Variants in FSTL4 observed in about 807,000 individuals in gnomAD.
FSTL4 encodes follistatin like 4.
FSTL4 carries 28 observed loss-of-function variants against 78.2 expected under a neutral mutation model. The ratio of observed to expected loss-of-function variants is 0.36; its 90% CI spans 0.27 to 0.49. The LOEUF (loss-of-function observed/expected upper bound fraction) is 0.49, where lower values mean the gene tolerates loss of function less well. Ranked by LOEUF, FSTL4 falls within the 20% of genes least tolerant of loss-of-function variation. FSTL4 has a pLI of 0.98. For synonymous variants in FSTL4, 422 were observed against 440.5 expected, an observed-to-expected ratio of 0.96 and a Z score of 0.53; for missense variants, 922 against 1,084.9, an observed-to-expected ratio of 0.85 and a Z score of 2.11.
chr5:133,244,551 T>A (rs1224698248), intron 7 of FSTL4: 1 of 151,892 alleles, frequency 6.6e-6, no homozygotes, highest in Non-Finnish European at 1.5e-5. Context: ...CACTACTGAT[T>A]TCTCATCAAA....
At chr5:133,562,338 A>C in intron 3 of FSTL4, among the ~76,000 whole-genome samples, 1 of 152,210 alleles carries the variant, frequency 6.6e-6, no homozygotes, top group East Asian at 1.9e-4. Flanking sequence ...TTAATGGTAA[A>C]CAGAATGCAG....
At chr5:133,363,699 T>C (rs963230107) in intron 4 of FSTL4, among the ~76,000 whole-genome samples, 6 of 152,148 alleles carry the variant, frequency 3.9e-5, no homozygotes, top group African/African-American at 1.4e-4. Context: ...GGATGAAACC[T>C]GGGCTGAGGG....
At chr5:133,711,312 A>G in the FSTL4 span, among the ~76,000 whole-genome samples, 1 of 152,180 alleles carries the variant, frequency 6.6e-6, no homozygotes, top group African/African-American at 2.4e-5. Context: ...CTAGATGGAA[A>G]CCCAGCCCCC....
At chr5:133,251,239 CG>C (rs1166052902) in intron 6 of FSTL4, among the ~76,000 whole-genome samples, 1 of 152,142 alleles carries the variant, frequency 6.6e-6, no homozygotes, top group Non-Finnish European at 1.5e-5. Context: ...TAGCTCCCAC[CG>C]TACTCTGCGG....
At chr5:133,457,475 G>A (rs1757514520) in intron 3 of FSTL4, among the ~76,000 whole-genome samples, 1 of 152,252 alleles carries the variant, frequency 6.6e-6, no homozygotes, top group Non-Finnish European at 1.5e-5. Context: ...ATGTGAAACA[G>A]AATGTTTGAA....
At chr5:133,291,732 C>T (rs1753267531) in intron 6 of FSTL4, among the ~76,000 whole-genome samples, 1 of 152,120 alleles carries the variant, frequency 6.6e-6, no homozygotes, top group South Asian at 2.1e-4. Context: ...CAAGAGTGAC[C>T]TGTTGCAGGC....
intron 1 of FSTL4, among the ~76,000 whole-genome samples, chr5:133,605,187 G>A (rs561275946): frequency 6.6e-6 from 1 of 152,276 alleles, no homozygotes; most frequent in African/African-American, 2.4e-5. Context: ...AACTCATTAT[G>A]TAGTACTTAG....
intron 6 of FSTL4, among the ~76,000 whole-genome samples, chr5:133,269,398 G>A (rs1752718350): frequency 1.3e-5 from 2 of 152,152 alleles, no homozygotes; most frequent in African/African-American, 4.8e-5. Flanking sequence ...GTGAGACGGG[G>A]GATAAGAGAG....
At chr5:133,445,951 TC>T (rs1255118677) in intron 3 of FSTL4, among the ~76,000 whole-genome samples, 4 of 152,186 alleles carry the variant, frequency 2.6e-5, no homozygotes, top group African/African-American at 9.6e-5. Flanking sequence ...AAACCACGTG[TC>T]CCCTGGCAGT....
the FSTL4 span, among the ~76,000 whole-genome samples, chr5:133,830,436 A>G: frequency 6.6e-6 from 1 of 152,236 alleles, no homozygotes; most frequent in South Asian, 2.1e-4. Flanking sequence ...GGGGGCCACC[A>G]TTGCCAACAA....
intron 2 of FSTL4, among the ~76,000 whole-genome samples, chr5:133,603,130 G>C (rs1760906434): frequency 6.6e-6 from 1 of 152,170 alleles, no homozygotes; most frequent in South Asian, 2.1e-4. Flanking sequence ...CATTCCTTAA[G>C]AGTCAGCACA....
intron 3 of FSTL4, among the ~76,000 whole-genome samples, chr5:133,492,843 T>C (rs953889881): frequency 1.3e-5 from 2 of 152,060 alleles, no homozygotes; most frequent in Non-Finnish European, 2.9e-5. Context: ...TTTAACAATA[T>C]TTCTTAATAT....
At chr5:133,335,874 G>C (rs897615477) in intron 4 of FSTL4, among the ~76,000 whole-genome samples, 4 of 152,106 alleles carry the variant, frequency 2.6e-5, no homozygotes, top group Non-Finnish European at 5.9e-5. Flanking sequence ...CCCATGAGGG[G>C]TGCTTCTTAA....
At chr5:133,395,681 T>A (rs188615110) in intron 4 of FSTL4, among the ~76,000 whole-genome samples, 371 of 152,202 alleles carry the variant, frequency 2.4e-3, no homozygotes, top group African/African-American at 8.0e-3. Context: ...GATCCCATAA[T>A]CACTTGCTCT....
At chr5:133,480,447 T>C (rs1041525428) in intron 3 of FSTL4, among the ~76,000 whole-genome samples, 2 of 152,016 alleles carry the variant, frequency 1.3e-5, no homozygotes, top group Admixed American at 6.6e-5. Context: ...AGGTGAGAGG[T>C]GTGGGTATAA....
chr5:133,289,698 C>G (rs1341927324), intron 6 of FSTL4, among the ~76,000 whole-genome samples: 1 of 152,232 alleles, frequency 6.6e-6, no homozygotes, highest in Non-Finnish European at 1.5e-5. Context: ...TGTCCTGGCA[C>G]AGATGTAGCC....
At chr5:133,464,806 C>A (rs867028599) in intron 3 of FSTL4, among the ~76,000 whole-genome samples, 1 of 152,306 alleles carries the variant, frequency 6.6e-6, no homozygotes, top group Middle Eastern at 3.4e-3. Context: ...TGTTTTCATA[C>A]TTTTTATGTA....
intron 3 of FSTL4, among the ~76,000 whole-genome samples, chr5:133,533,322 T>C (rs1759291756): frequency 6.6e-6 from 1 of 152,186 alleles, no homozygotes; most frequent in South Asian, 2.1e-4. Flanking sequence ...CTGCTCACTA[T>C]AGCCTCAAAC....
At chr5:133,834,112 G>A in the FSTL4 span, among the ~76,000 whole-genome samples, 1 of 152,178 alleles carries the variant, frequency 6.6e-6, no homozygotes, top group African/African-American at 2.4e-5. Flanking sequence ...CAGATTTAAA[G>A]ATCAAGAACC....
Sources: allele counts gnomAD v4.1 joint callset (sites outside exome capture counted in the v4.1 genomes callset), GRCh38; gene constraint gnomAD v4.1.1; transcripts MANE v1.5; gene names NCBI Gene and HGNC (gene_info 2026-07-23, HGNC 2026-07-21).